Variants in KCNH8 observed in about 807,000 individuals in gnomAD.
The protein encoded by KCNH8 is voltage-gated delayed rectifier potassium channel KCNH8.
Under a neutral mutation model 103.6 loss-of-function variants are expected in KCNH8, and 70 were observed. That is an observed-to-expected ratio of 0.68 (90% CI 0.56 to 0.82). The LOEUF (loss-of-function observed/expected upper bound fraction) is 0.82. Ranked by LOEUF, KCNH8 falls within the 40% of genes least tolerant of loss-of-function variation. The pLI is 0.00. For missense variants in KCNH8, 1,217 were observed against 1,329.9 expected (o/e 0.92, Z 1.32); for synonymous variants, 498 against 489.4 (o/e 1.02, Z -0.23).
intron 5 of KCNH8, among the ~76,000 whole-genome samples, chr3:19,377,266 C>T (rs1289148024): frequency 2.6e-5 from 4 of 152,170 alleles, no homozygotes; most frequent in Non-Finnish European, 4.4e-5. Context: ...TTCTGCTGTA[C>T]AGGATCCACA....
At chr3:19,241,333 A>G (rs533982083) in intron 1 of KCNH8, among the ~76,000 whole-genome samples, 2 of 152,278 alleles carry the variant, frequency 1.3e-5, no homozygotes, top group Non-Finnish European at 2.9e-5. Flanking sequence ...CGATTCAACT[A>G]CTTCACCTTA....
chr3:19,511,015 T>C (rs2068774275), intron 12 of KCNH8, among the ~76,000 whole-genome samples: 1 of 152,192 alleles, frequency 6.6e-6, no homozygotes, highest in African/African-American at 2.4e-5. Flanking sequence ...TTAATTATAC[T>C]TTAAGTTCTG....
intron 7 of KCNH8, among the ~76,000 whole-genome samples, chr3:19,415,960 A>G (rs939677952): frequency 1.3e-5 from 2 of 151,934 alleles, no homozygotes; most frequent in African/African-American, 4.8e-5. Flanking sequence ...ATATTTTTTC[A>G]TATATTTTTT....
At chr3:19,389,964 G>A (rs1361456047) in intron 5 of KCNH8, among the ~76,000 whole-genome samples, 1 of 151,938 alleles carries the variant, frequency 6.6e-6, no homozygotes, top group African/African-American at 2.4e-5. Context: ...TGCCACTCTT[G>A]GCAATATGAT....
At chr3:19,300,832 ATT>A (rs1215100044) in intron 3 of KCNH8, among the ~76,000 whole-genome samples, 22 of 151,530 alleles carry the variant, frequency 1.5e-4, no homozygotes, top group Admixed American at 3.9e-4. Context: ...AGTAATATTA[ATT>A]TTTAAAATAT....
chr3:19,359,131 C>T (rs1005689541), intron 5 of KCNH8, among the ~76,000 whole-genome samples: 2 of 151,170 alleles, frequency 1.3e-5, no homozygotes, highest in African/African-American at 4.8e-5. Context: ...AAAAATATGC[C>T]AGTTATAGAA....
At chr3:19,503,606 T>C (rs1490509806) in intron 11 of KCNH8, among the ~76,000 whole-genome samples, 2 of 152,046 alleles carry the variant, frequency 1.3e-5, no homozygotes, top group Non-Finnish European at 2.9e-5. Context: ...CCATAAAAAA[T>C]GATGAGTTCA....
At chr3:19,430,509 A>G (rs1302029844) in intron 7 of KCNH8, among the ~76,000 whole-genome samples, 1 of 151,624 alleles carries the variant, frequency 6.6e-6, no homozygotes, top group East Asian at 1.9e-4. Context: ...GTTTTCTTCT[A>G]GTTTTGTGAA....
intron 3 of KCNH8, among the ~76,000 whole-genome samples, chr3:19,288,242 ATTATAC>A (rs2064864933): frequency 1.7e-5 from 1 of 58,462 alleles, no homozygotes; most frequent in African/African-American, 7.4e-5. Context: ...TATTTTTTTA[ATTATAC>A]TTTAACTTTT....
chr3:19,200,186 G>A (rs985510094), intron 1 of KCNH8, among the ~76,000 whole-genome samples: 1 of 151,876 alleles, frequency 6.6e-6, no homozygotes, highest in African/African-American at 2.4e-5. Context: ...TAAGAGTGGT[G>A]AAAAAAGTAA....
chr3:19,385,145 C>T (rs1238581595), intron 5 of KCNH8, among the ~76,000 whole-genome samples: 1 of 152,076 alleles, frequency 6.6e-6, no homozygotes, highest in Non-Finnish European at 1.5e-5. Flanking sequence ...ACAATGTATT[C>T]TGTGCTGCTG....
intron 7 of KCNH8, among the ~76,000 whole-genome samples, chr3:19,407,925 G>A (rs532973933): frequency 6.6e-6 from 1 of 152,176 alleles, no homozygotes; most frequent in South Asian, 2.1e-4. Flanking sequence ...CCACCCACTG[G>A]ATTCTCCTTT....
At chr3:19,488,945 G>T (rs913682980) in intron 11 of KCNH8, among the ~76,000 whole-genome samples, 1 of 152,168 alleles carries the variant, frequency 6.6e-6, no homozygotes, top group Non-Finnish European at 1.5e-5. Flanking sequence ...AGGCTTTTTG[G>T]TATAAGGTGG....
intron 1 of KCNH8, among the ~76,000 whole-genome samples, chr3:19,192,197 A>G (rs2063559728): frequency 6.6e-6 from 1 of 151,520 alleles, no homozygotes; most frequent in Non-Finnish European, 1.5e-5. Flanking sequence ...GTTTTCTTGT[A>G]TGTCCTAGAA....
intron 15 of KCNH8, among the ~76,000 whole-genome samples, chr3:19,518,665 C>T (rs868015037): frequency 6.6e-6 from 1 of 152,054 alleles, no homozygotes; most frequent in East Asian, 1.9e-4. Flanking sequence ...TTTATTGAAT[C>T]CATCATCTAT....
chr3:19,290,730 C>T (rs1040277314), intron 3 of KCNH8, among the ~76,000 whole-genome samples: 7 of 152,004 alleles, frequency 4.6e-5, no homozygotes, highest in East Asian at 3.9e-4. Flanking sequence ...TTTCTCTGCC[C>T]GGCTTTGGTA....
chr3:19,416,432 G>A (rs992621440), intron 7 of KCNH8, among the ~76,000 whole-genome samples: 2 of 151,966 alleles, frequency 1.3e-5, no homozygotes, highest in African/African-American at 4.8e-5. Flanking sequence ...TTTTTATTAG[G>A]TCAAGCTTCT....
At chr3:19,398,507 G>C (rs2125136762) in intron 7 of KCNH8, among the ~76,000 whole-genome samples, 1 of 152,080 alleles carries the variant, frequency 6.6e-6, no homozygotes, top group South Asian at 2.1e-4. Context: ...CAAAGAGGTA[G>C]GTAGGTAGAT....
chr3:19,364,585 A>G (rs962782658), intron 5 of KCNH8, among the ~76,000 whole-genome samples: 1 of 152,162 alleles, frequency 6.6e-6, no homozygotes, highest in African/African-American at 2.4e-5. Context: ...AATTATACAA[A>G]AAACAGAAAA....
Sources: gnomAD v4.1 joint callset for allele counts (sites outside exome capture counted in the v4.1 genomes callset) on GRCh38, gnomAD v4.1.1 for gene constraint, MANE v1.5 for transcripts, NCBI Gene and HGNC (gene_info 2026-07-23, HGNC 2026-07-21) for gene names.